The following PLEKHG1 variants were observed in gnomAD, a reference collection of about 807,000 sequenced individuals.
The protein encoded by PLEKHG1 is pleckstrin homology domain-containing family G member 1.
Under a neutral mutation model 100.8 loss-of-function variants are expected in PLEKHG1, and 44 were observed. That is an observed-to-expected ratio of 0.44 (90% CI 0.34 to 0.56). PLEKHG1 has a LOEUF of 0.56. Among genes scored for constraint, PLEKHG1 ranks in the 20% least tolerant of loss-of-function variants. The pLI is 0.01. For missense variants in PLEKHG1, 1,545 were observed against 1,720.9 expected, an observed-to-expected ratio of 0.90 and a Z score of 1.81; for synonymous variants, 640 against 662.5, an observed-to-expected ratio of 0.97 and a Z score of 0.52.
chr6:150,787,791 T>TC (rs1562519115), intron 4 of PLEKHG1, among the ~76,000 whole-genome samples: 3 of 152,272 alleles, frequency 2.0e-5, no homozygotes, highest in Non-Finnish European at 4.4e-5. Flanking sequence ...AAAGGCACAA[T>TC]CCATGGGCTC....
At position 150,790,072 on chromosome 6, in the gene PLEKHG1, G is replaced by T. The variant is rs191079303; in HGVS notation, c.582+3613G>T. On this transcript the variant is annotated intron_variant, in intron 4 of 15. Transcript: ENST00000358517. ...TTTCGCTCTTGTCACCCAGGCTGGG[G>T]TGCAGTGGTGCAATCTTGGCTCACC... Among the ~76,000 whole-genome samples, 4 of 152,294 alleles carry T rather than the reference G, an allele frequency of 2.6e-5. No individual in the cohort carries two copies. The East Asian group carries it at 7.7e-4, about 29-fold the overall frequency.
chr6:150,692,809 A>G lies in PLEKHG1; in HGVS notation c.-98-40775A>G, dbSNP rs560337425. Among the ~76,000 whole-genome samples, 3 of 152,350 alleles carry G rather than the reference A, an allele frequency of 2.0e-5. No homozygotes were observed. In the East Asian group the frequency reaches 5.8e-4, roughly 29 times the overall value. ...TAACTCATGAAGTTTCTACTAAGTC[A>G]AACTGAAATTAATTAGTTACACTGT... On this transcript the variant is annotated intron_variant, in intron 3 of 3. Transcript: ENST00000367326.
chr6:150,761,645 G>A (rs772164142), intron 2 of PLEKHG1, among the ~76,000 whole-genome samples: 15 of 152,086 alleles, frequency 9.9e-5, no homozygotes, highest in Admixed American at 2.0e-4. Flanking sequence ...AAAGATGGGC[G>A]TCCTGTTGCT....
At chr6:150,699,140 C>T (rs1303845502) in intron 3 of PLEKHG1, among the ~76,000 whole-genome samples, 1 of 152,134 alleles carries the variant, frequency 6.6e-6, no homozygotes, top group Non-Finnish European at 1.5e-5. Context: ...TACAGGTATG[C>T]AAGATGTTAT....
intron 7 of PLEKHG1, among the ~76,000 whole-genome samples, chr6:150,808,164 T>C (rs1787257522): frequency 6.6e-6 from 1 of 152,122 alleles, no homozygotes; most frequent in African/African-American, 2.4e-5. Context: ...CCTGTCAAAA[T>C]ATATCACGTA....
intron 1 of PLEKHG1, among the ~76,000 whole-genome samples, chr6:150,606,034 T>C (rs1438444581): frequency 1.3e-5 from 2 of 152,242 alleles, no homozygotes; most frequent in South Asian, 2.1e-4. Context: ...GGTGTTGACT[T>C]AGACCTGAGA....
chr6:150,804,735 G>C (rs1391476359), exon 7 of PLEKHG1: 1 of 1,612,788 alleles, frequency 6.2e-7, no homozygotes, highest in African/African-American at 1.3e-5. Flanking sequence ...ACGCGGTCCG[G>C]TTACAGGTGA....
At chr6:150,643,915 AAAG>A (rs1203073914) in intron 2 of PLEKHG1, among the ~76,000 whole-genome samples, 2 of 151,704 alleles carry the variant, frequency 1.3e-5, no homozygotes, top group Non-Finnish European at 2.9e-5. Flanking sequence ...TTTTTTTTCA[AAAG>A]AAGAAATGGC....
At chr6:150,804,175 ATTTTT>A (rs1554276244) in intron 6 of PLEKHG1, among the ~76,000 whole-genome samples, 7 of 43,170 alleles carry the variant, frequency 1.6e-4, no homozygotes, top group Admixed American at 4.1e-4. Flanking sequence ...ATATATATAT[ATTTTT>A]TTTTTTTTTT....
At chr6:150,835,543 T>G (rs962550720) in intron 15 of PLEKHG1, among the ~76,000 whole-genome samples, 1 of 152,180 alleles carries the variant, frequency 6.6e-6, no homozygotes, top group African/African-American at 2.4e-5. Context: ...ACCAGAGACA[T>G]TCTTGCGATT....
rs562741616 is a variant in PLEKHG1 at position 150,805,550 on chromosome 6, G to A, written c.912+809G>A. ...GGTTTCCTTTTTTTTTTTTGGAGACGAAGTTTCACTCTTGTCGCCCAGGCT... is the reference window on the plus strand; with the variant it reads ...GGTTTCCTTTTTTTTTTTTGGAGACAAAGTTTCACTCTTGTCGCCCAGGCT... On this transcript the variant is annotated intron_variant, in intron 7 of 15. Transcript: ENST00000358517. Among the ~76,000 whole-genome samples, 11 of 151,012 alleles carry A rather than the reference G, an allele frequency of 7.3e-5. No individual in the cohort carries two copies. In the East Asian group the frequency reaches 1.4e-3, roughly 19 times the overall value.
chr6:150,816,410 T>C (rs1183026988), intron 10 of PLEKHG1, among the ~76,000 whole-genome samples: 1 of 131,950 alleles, frequency 7.6e-6, no homozygotes, highest in African/African-American at 2.8e-5. Context: ...TGCTGCAACC[T>C]CTGCCTTCCC....
At chr6:150,757,248 T>A (rs9397350) in intron 2 of PLEKHG1, among the ~76,000 whole-genome samples, 46,677 of 152,042 alleles carry the variant, frequency 0.31, 9,333 homozygotes, top group African/African-American at 0.56. Context: ...TGATCTGCCC[T>A]CCTTGGCCTC....
At chr6:150,756,184 T>G (rs1171080501) in intron 2 of PLEKHG1, among the ~76,000 whole-genome samples, 1 of 152,176 alleles carries the variant, frequency 6.6e-6, no homozygotes, top group Non-Finnish European at 1.5e-5. Flanking sequence ...CCTGGCCCCA[T>G]GCTCTTTGAG....
intron 2 of PLEKHG1, among the ~76,000 whole-genome samples, chr6:150,641,809 A>ATT (rs1326592033): frequency 2.3e-5 from 3 of 129,738 alleles, no homozygotes; most frequent in Non-Finnish European, 4.7e-5. Flanking sequence ...TCTGTGATAT[A>ATT]TTTGGAAGTT....
At chr6:150,628,575 C>CACACACACACACACACACACAA in intron 1 of PLEKHG1, among the ~76,000 whole-genome samples, 2 of 137,444 alleles carry the variant, frequency 1.5e-5, no homozygotes, top group South Asian at 2.4e-4. Flanking sequence ...CACACACACA[C>CACACACACACACACACACACAA]ACCCCGTCCT....
chr6:150,827,860 A>C, intron 14 of PLEKHG1: 6 of 1,451,756 alleles, frequency 4.1e-6, no homozygotes, highest in Non-Finnish European at 5.8e-6. Flanking sequence ...TTTAATGAGG[A>C]GGATGAATGT....
intron 3 of PLEKHG1, among the ~76,000 whole-genome samples, chr6:150,769,379 C>T (rs1247388024): frequency 4.0e-5 from 6 of 151,688 alleles, no homozygotes; most frequent in African/African-American, 1.2e-4. Context: ...GTTAGGAGTT[C>T]GAGACCAGCC....
intron 1 of PLEKHG1, among the ~76,000 whole-genome samples, chr6:150,614,513 T>C (rs991265931): frequency 1.3e-5 from 2 of 151,620 alleles, no homozygotes; most frequent in African/African-American, 4.8e-5. Flanking sequence ...TGGTGGTCTT[T>C]CCACTGTCAT....
Sources: allele counts gnomAD v4.1 joint callset (sites outside exome capture counted in the v4.1 genomes callset), GRCh38; gene constraint gnomAD v4.1.1; transcripts MANE v1.5; gene names NCBI Gene and HGNC (gene_info 2026-07-23, HGNC 2026-07-21).